UPF2: variants seen among roughly 807,000 people sequenced by gnomAD.
UPF2 encodes the protein regulator of nonsense transcripts 2.
A neutral mutation model predicts 141.4 loss-of-function variants in UPF2; 17 were observed. That is an observed-to-expected ratio of 0.12 (90% confidence interval 0.08 to 0.18). The LOEUF (loss-of-function observed/expected upper bound fraction) is 0.18, where lower values mean the gene tolerates loss of function less well. UPF2 is among the 10% of genes least tolerant of loss of function. The pLI, the probability that UPF2 is intolerant of heterozygous loss-of-function variation, is 1.00. For missense variants in UPF2, 1,152 were observed against 1,515.9 expected (o/e 0.76, Z 3.99); for synonymous variants, 540 against 498.0 (o/e 1.08, Z -1.12).
At chr10:11,973,092 G>A (rs953150172) in intron 9 of UPF2, among the ~76,000 whole-genome samples, 3 of 152,268 alleles carry the variant, frequency 2.0e-5, no homozygotes, top group African/African-American at 7.2e-5. Flanking sequence ...GGTGTGAGAT[G>A]GTATCTCATT....
Position 11,979,235 on chromosome 10 carries a change from C to T in UPF2, c.1845-70G>A. On this transcript the variant is annotated intron_variant, in intron 8 of 21. Transcript: ENST00000357604. The surrounding 1 kb of genome is among the most constrained non-coding windows in gnomAD (Gnocchi z 6.2). ...AAAATAATTCATTTTAAAATTTAAA[C>T]TTTTCAGATGTATTCACACATTAAA... 8.3e-7 allele frequency: 1 copy of T among 1,201,222 alleles called. No individual in the cohort carries two copies. Among genetic ancestry groups the T allele is most frequent in the South Asian group, 1.4e-5 (1 of 70,438 alleles). The allele number at this position is 1,201,222 out of a possible 1,614,324, so 74.4% of individuals were successfully genotyped here. A position where few individuals can be genotyped will look rare whatever the true frequency, so the allele number is the denominator to read the frequency against.
intron 18 of UPF2, among the ~76,000 whole-genome samples, chr10:11,937,651 C>T (rs1412691040): frequency 6.6e-6 from 1 of 152,118 alleles, no homozygotes; most frequent in African/African-American, 2.4e-5. Flanking sequence ...GATGAATGAG[C>T]AGCAAAGAGG....
intron 8 of UPF2, among the ~76,000 whole-genome samples, chr10:11,983,715 C>T (rs1833639181): frequency 6.6e-6 from 1 of 151,890 alleles, no homozygotes; most frequent in Non-Finnish European, 1.5e-5. Flanking sequence ...ATATGATTTG[C>T]TAGTGTTTTA....
intron 4 of UPF2, among the ~76,000 whole-genome samples, chr10:12,011,469 A>G (rs75505998): frequency 0.014 from 2,190 of 151,980 alleles, 50 homozygotes; most frequent in African/African-American, 0.05. Context: ...TTGGTGGCGC[A>G]TATCTGTAGT....
At chr10:12,004,858 T>A in intron 4 of UPF2, 131 bp from the exon 5 acceptor site, 3 of 828,158 alleles carry the variant, frequency 3.6e-6, no homozygotes, top group Non-Finnish European at 5.4e-6. Context: ...CTTCTTCAAT[T>A]AACAAGCACA....
chr10:11,947,483 G>C (rs1231680868), intron 16 of UPF2, among the ~76,000 whole-genome samples: 1 of 152,102 alleles, frequency 6.6e-6, no homozygotes, highest in Non-Finnish European at 1.5e-5. Context: ...TCAACAGCGA[G>C]ATTAAGATAC....
At chr10:11,938,784 C>G (rs550605633) in intron 18 of UPF2, among the ~76,000 whole-genome samples, 46 of 144,232 alleles carry the variant, frequency 3.2e-4, no homozygotes, top group African/African-American at 1.2e-3. Context: ...TAGAAGGCAA[C>G]ACAGTAAAAC....
At chr10:11,964,839 G>A (rs1234876555) in intron 10 of UPF2, among the ~76,000 whole-genome samples, 1 of 152,132 alleles carries the variant, frequency 6.6e-6, no homozygotes, top group Non-Finnish European at 1.5e-5. Context: ...CCAATTTTCT[G>A]AGATTGTGGA....
At chr10:11,991,015 G>A (rs1478781732) in intron 8 of UPF2, among the ~76,000 whole-genome samples, 2 of 149,878 alleles carry the variant, frequency 1.3e-5, no homozygotes, top group Non-Finnish European at 3.0e-5. Flanking sequence ...AAGGAAACCT[G>A]TTAATAACAA....
intron 21 of UPF2, among the ~76,000 whole-genome samples, chr10:11,925,039 G>A (rs1030930003): frequency 1.3e-5 from 2 of 151,940 alleles, no homozygotes; most frequent in Non-Finnish European, 2.9e-5. Context: ...GGCTGGTCTC[G>A]AACTCCTGAC....
chr10:12,022,412 A>C, intron 3 of UPF2, among the ~76,000 whole-genome samples: 1 of 109,146 alleles, frequency 9.2e-6, no homozygotes, highest in African/African-American at 2.6e-5. Flanking sequence ...CTCCGTCTCA[A>C]AAAAAAAAAA....
At chr10:12,038,380 A>ACTCACT (rs71513309) in intron 1 of UPF2, among the ~76,000 whole-genome samples, 1 of 65,690 alleles carries the variant, frequency 1.5e-5, no homozygotes, top group Non-Finnish European at 3.0e-5. Context: ...ACTCCATCTC[A>ACTCACT]CACACACACA....
In UPF2 at chr10:12,014,185, C is replaced by A; in HGVS notation, c.1146-1G>T. The A allele has an allele frequency of 7.1e-7, 1 of 1,407,758 alleles. No individual in the cohort carries two copies. Among genetic ancestry groups the A allele is most frequent in the Non-Finnish European group, 9.4e-7 (1 of 1,066,074 alleles). The allele number at this position is 1,407,758 out of a possible 1,614,324, so 87.2% of individuals were successfully genotyped here. A position where few individuals can be genotyped will look rare whatever the true frequency, so the allele number is the denominator to read the frequency against. On this transcript the variant is annotated splice_acceptor_variant, in intron 3 of 21. Transcript: ENST00000357604. LOFTEE classifies it high-confidence loss of function. The surrounding 1 kb of genome is among the most constrained non-coding windows in gnomAD (Gnocchi z 5.0). ...CTCCCCTTTAGAATGTAGAATGCGC[C>A]TATAAACAAATGAAATCATCTGACA...
chr10:11,928,777 ATAG>A, intron 21 of UPF2: 1 of 293,858 alleles, frequency 3.4e-6, no homozygotes, highest in South Asian at 2.9e-5. Flanking sequence ...CAAATTCTTT[ATAG>A]AGTTTTAAAT....
In UPF2 at chr10:12,029,018, A is replaced by G; in HGVS notation, c.872T>C (p.Leu291Pro). Residue 291 changes from leucine to proline, a missense_variant, in exon 3 of 22, where the codon CTA becomes CCA. Around this residue, in one of 4 missense-constraint regions of UPF2, gnomAD observed 739 missense variants for 1,032.2 expected, o/e 0.72. Transcript: ENST00000357604. The stretch of plus-strand genomic sequence containing the variant: ...CCGATCAGCATTAATAATATTTTTT[A>G]GCTGTTCATAGATTAAGGAAAGACC... Reference protein sequence around the residue: ...KEGLSLIYEQLKNIINADRES... With the variant: ...KEGLSLIYEQPKNIINADRES... 1 of 1,614,206 alleles carries G rather than the reference A, an allele frequency of 6.2e-7. No individual in the cohort carries two copies. The highest frequency in any genetic ancestry group is 2.2e-5 in the East Asian group (1 of 44,884).
rs1834222339 is a variant in UPF2, at chr10:12,016,487, A to G, written c.1146-2303T>C. 6.7e-6 allele frequency among the ~76,000 whole-genome samples: 1 copy of G among 150,192 alleles called. No homozygotes were observed. The highest frequency in any genetic ancestry group is 2.4e-5 in the African/African-American group (1 of 40,884). On this transcript the variant is annotated intron_variant, in intron 3 of 21. Coordinates refer to ENST00000357604, the MANE Select transcript of UPF2 (RefSeq NM_015542.4). This position sits in a 1 kb window ranked among gnomAD's most constrained non-coding sequence, Gnocchi z 4.1. Reference sequence around the variant, plus strand: ...GAGGTGGGAGGATCACAAGGTCAGGAGTTTGAGACCAGCCTGGCCAATATG... The same window carrying G: ...GAGGTGGGAGGATCACAAGGTCAGGGGTTTGAGACCAGCCTGGCCAATATG...
intron 18 of UPF2, among the ~76,000 whole-genome samples, chr10:11,937,120 C>T (rs1175309246): frequency 6.6e-6 from 1 of 152,214 alleles, no homozygotes; most frequent in Non-Finnish European, 1.5e-5. Flanking sequence ...CCAGGGCTCC[C>T]CAGCAGGGCG....
At chr10:11,964,244 T>C in intron 10 of UPF2, 119 bp from the exon 11 acceptor site, 1 of 603,466 alleles carries the variant, frequency 1.7e-6, no homozygotes, top group Non-Finnish European at 2.7e-6. Context: ...GAAGTGAGTC[T>C]ACTTGGGTTC....
intron 8 of UPF2, among the ~76,000 whole-genome samples, chr10:11,995,724 A>C (rs1290817278): frequency 1.3e-5 from 2 of 152,156 alleles, no homozygotes; most frequent in African/African-American, 4.8e-5. Flanking sequence ...CGGAGGTTGC[A>C]GTGAGCTGAG....
Sources: gnomAD v4.1 joint callset for allele counts (sites outside exome capture counted in the v4.1 genomes callset) on GRCh38, gnomAD v4.1.1 for gene constraint, gnomAD v4.1.1 regional missense constraint, Gnocchi (gnomAD v3.1) non-coding constraint, MANE v1.5 for transcripts, NCBI Gene and HGNC (gene_info 2026-07-23, HGNC 2026-07-21) for gene names.